UIMC1: variants seen among roughly 807,000 people sequenced by gnomAD.
UIMC1 encodes the protein ubiquitin interaction motif containing 1.
A neutral mutation model predicts 84.9 loss-of-function variants in UIMC1; 42 were observed. The observed-to-expected ratio is 0.49, with a 90% CI of 0.39 to 0.64. UIMC1 has a LOEUF of 0.64. UIMC1 is among the 30% of genes least tolerant of loss of function. The pLI is 0.00. For missense variants in UIMC1, 825 were observed against 847.6 expected, an observed-to-expected ratio of 0.97 and a Z score of 0.33; for synonymous variants, 281 against 293.0, an observed-to-expected ratio of 0.96 and a Z score of 0.42.
intron 1 of UIMC1, among the ~76,000 whole-genome samples, chr5:177,021,517 T>C (rs1398753371): frequency 2.0e-5 from 3 of 152,028 alleles, no homozygotes; most frequent in Non-Finnish European, 4.4e-5. Context: ...CATGAAGATA[T>C]ATGAGAGAAA....
upstream of UIMC1, among the ~76,000 whole-genome samples, chr5:177,007,626 T>G (rs1775415444): frequency 6.6e-6 from 1 of 152,224 alleles, no homozygotes; most frequent in East Asian, 1.9e-4. Context: ...AAATGATTTA[T>G]ATAAATTTAA....
chr5:176,932,872 T>C (rs1009325761), intron 10 of UIMC1, among the ~76,000 whole-genome samples: 1 of 150,732 alleles, frequency 6.6e-6, no homozygotes, highest in Non-Finnish European at 1.5e-5. Context: ...TTTTTTTTTT[T>C]TTTTTTTTTA....
chr5:176,994,005 T>G (rs1773243490), intron 1 of UIMC1, among the ~76,000 whole-genome samples: 1 of 143,994 alleles, frequency 6.9e-6, no homozygotes, highest in Admixed American at 7.0e-5. Context: ...TGAAACTCTA[T>G]CTCAAAAAAA....
intron 1 of UIMC1, among the ~76,000 whole-genome samples, chr5:176,989,770 T>C (rs1470240825): frequency 6.6e-6 from 1 of 152,158 alleles, no homozygotes; most frequent in Non-Finnish European, 1.5e-5. Flanking sequence ...CATAAATTCA[T>C]ACTAAAGCAG....
intron 1 of UIMC1, among the ~76,000 whole-genome samples, chr5:177,014,645 G>A (rs1202271257): frequency 1.3e-5 from 2 of 151,964 alleles, no homozygotes; most frequent in Admixed American, 6.6e-5. Flanking sequence ...TTGCAGTGAG[G>A]TGAAATCACA....
intron 6 of UIMC1, among the ~76,000 whole-genome samples, chr5:176,959,723 A>G (rs1311183402): frequency 6.9e-6 from 1 of 143,968 alleles, no homozygotes; most frequent in Non-Finnish European, 1.5e-5. Flanking sequence ...CTCAAAAAAA[A>G]AAAAAAAAAA....
chr5:176,982,391 T>C (rs1771188498), intron 2 of UIMC1, 78 bp downstream of exon 2: 2 of 1,510,136 alleles, frequency 1.3e-6, no homozygotes, highest in African/African-American at 1.4e-5. Context: ...GTGAAGTCAG[T>C]CACGAAACAA....
intron 2 of UIMC1, among the ~76,000 whole-genome samples, chr5:176,981,606 T>TG (rs1208051859): frequency 6.6e-6 from 1 of 151,950 alleles, no homozygotes; most frequent in Non-Finnish European, 1.5e-5. Context: ...GATACCATCC[T>TG]GGGCAACATG....
upstream of UIMC1, among the ~76,000 whole-genome samples, chr5:177,007,043 T>C (rs542311693): frequency 2.0e-5 from 3 of 152,152 alleles, no homozygotes; most frequent in East Asian, 1.9e-4. Flanking sequence ...ATTTCACGTC[T>C]AGAAAAATAC....
chr5:176,987,302 A>G (rs1420217175), intron 1 of UIMC1, among the ~76,000 whole-genome samples: 1 of 152,176 alleles, frequency 6.6e-6, no homozygotes, highest in African/African-American at 2.4e-5. Context: ...TACAAAAACC[A>G]ATTGCATTCC....
intron 1 of UIMC1, chr5:177,001,601 T>C (rs944235455): frequency 6.6e-6 from 1 of 151,936 alleles, no homozygotes; most frequent in Admixed American, 6.6e-5. Flanking sequence ...TAAATGTATA[T>C]AGAAAGGCAT....
At chr5:176,995,692 A>C (rs1364155251) in intron 1 of UIMC1, among the ~76,000 whole-genome samples, 1 of 151,800 alleles carries the variant, frequency 6.6e-6, no homozygotes, top group African/African-American at 2.4e-5. Context: ...AAACACAAAA[A>C]ATTAGCCAGG....
At chr5:176,954,056 G>C (rs1766260053) in intron 8 of UIMC1, among the ~76,000 whole-genome samples, 1 of 152,156 alleles carries the variant, frequency 6.6e-6, no homozygotes, top group South Asian at 2.1e-4. Context: ...ATCTCATTTA[G>C]AAGTGGTTTA....
intron 10 of UIMC1, among the ~76,000 whole-genome samples, chr5:176,934,126 C>T (rs181217125): frequency 2.8e-4 from 42 of 152,108 alleles, no homozygotes; most frequent in Non-Finnish European, 5.6e-4. Context: ...TCTTTTAGGC[C>T]CCTCCTCCCT....
chr5:176,993,985 G>A (rs1278086363), intron 1 of UIMC1, among the ~76,000 whole-genome samples: 1 of 150,246 alleles, frequency 6.7e-6, no homozygotes, highest in Non-Finnish European at 1.5e-5. Flanking sequence ...TCCAGCCTGG[G>A]TAACAAGAGT....
intron 10 of UIMC1, among the ~76,000 whole-genome samples, chr5:176,918,734 T>C (rs926576122): frequency 2.6e-5 from 4 of 152,332 alleles, no homozygotes; most frequent in East Asian, 3.9e-4. Flanking sequence ...TATCTTCGCA[T>C]TCCTTCTTGC....
At chr5:177,021,387 A>G (rs1243954059) in intron 1 of UIMC1, among the ~76,000 whole-genome samples, 1 of 152,216 alleles carries the variant, frequency 6.6e-6, no homozygotes, top group Non-Finnish European at 1.5e-5. Context: ...GGTAAAATAT[A>G]AAAGAAATAA....
intron 10 of UIMC1, among the ~76,000 whole-genome samples, chr5:176,941,199 TTG>T (rs1169279762): frequency 6.6e-6 from 1 of 152,224 alleles, no homozygotes; most frequent in Non-Finnish European, 1.5e-5. Context: ...ATAAATAACT[TTG>T]TGACATGATG....
intron 9 of UIMC1, among the ~76,000 whole-genome samples, chr5:176,950,854 G>A (rs1765795933): frequency 6.6e-6 from 1 of 152,040 alleles, no homozygotes; most frequent in Non-Finnish European, 1.5e-5. Flanking sequence ...CTGGGCAACA[G>A]AGTGAAACTC....
Sources: allele counts gnomAD v4.1 joint callset (sites outside exome capture counted in the v4.1 genomes callset), GRCh38; gene constraint gnomAD v4.1.1; transcripts MANE v1.5; gene names NCBI Gene and HGNC (gene_info 2026-07-23, HGNC 2026-07-21).